The following MAN1A1 variants were observed in gnomAD, a reference collection of about 807,000 sequenced individuals.
MAN1A1 encodes the protein mannosidase alpha class 1A member 1, also known as mannosyl-oligosaccharide 1,2-alpha-mannosidase IA.
A neutral mutation model predicts 70.8 loss-of-function variants in MAN1A1; 29 were observed. The observed-to-expected ratio is 0.41, with a 90% CI of 0.31 to 0.56. MAN1A1 has a LOEUF of 0.56. Among genes scored for constraint, MAN1A1 ranks in the 20% least tolerant of loss-of-function variants. The pLI, the probability that MAN1A1 is intolerant of heterozygous loss-of-function variation, is 0.29. For synonymous variants in MAN1A1, 349 were observed against 330.1 expected (o/e 1.06, Z -0.62); for missense variants, 747 against 841.3 (o/e 0.89, Z 1.39).
At chr6:119,258,361 A>G (rs1014128098) in intron 5 of MAN1A1, among the ~76,000 whole-genome samples, 2 of 152,172 alleles carry the variant, frequency 1.3e-5, no homozygotes, top group African/African-American at 2.4e-5. Flanking sequence ...AAATATTTGG[A>G]AAAAAATGTA....
At chr6:119,182,429 G>C (rs1185088789) in intron 11 of MAN1A1, among the ~76,000 whole-genome samples, 1 of 151,890 alleles carries the variant, frequency 6.6e-6, no homozygotes. Context: ...TCATTGCCAA[G>C]CTCAATGTCA....
chr6:119,192,717 C>A (rs17442112), intron 9 of MAN1A1, among the ~76,000 whole-genome samples: 1 of 151,892 alleles, frequency 6.6e-6, no homozygotes, highest in South Asian at 2.1e-4. Context: ...ACTTGAGAAG[C>A]CTTGATAATA....
rs1385310856 is a variant in MAN1A1, at chr6:119,290,761, A to G, written c.819T>C (p.Asn273=). ...TTACTTCAAAGACAGAAATTTCAGCATTCTATGGAAAAAAAAAATTCAAAC... is the reference window on the plus strand; with the variant it reads ...TTACTTCAAAGACAGAAATTTCAGCGTTCTATGGAAAAAAAAAATTCAAAC... The part of the protein sequence containing the change: ...WVEENLDFNV[N]AEISVFEVNI... The change falls in exon 5 of 13, where the codon AAT becomes AAC. Residue 273 remains asparagine, a splice_region_variant and synonymous_variant. Transcript: ENST00000368468. 6.2e-6 allele frequency: 10 copies of G among 1,604,622 alleles called. No homozygotes were observed. The highest frequency in any genetic ancestry group is 1.7e-5 in the Admixed American group (1 of 59,632).
rs976938337 is a variant in MAN1A1 at position 119,188,448 on chromosome 6, G to A, written c.1676C>T (p.Thr559Ile). 2.5e-6 allele frequency: 4 copies of A among 1,613,310 alleles called. No homozygotes were observed. The South Asian group carries it at 3.3e-5, about 13-fold the overall frequency. Residue 559 changes from threonine (T) to isoleucine (I), a missense_variant, in exon 11 of 13, where the codon ACT (threonine) becomes ATT (isoleucine). Around this residue, in one of 2 missense-constraint regions of MAN1A1, gnomAD observed 419 missense variants for 548.2 expected, o/e 0.76. Coordinates refer to ENST00000368468, the MANE Select transcript of MAN1A1 (RefSeq NM_005907.4). ...CCATTTCCTGTACTTTGGATCATGA[G>A]TCAGTCTCCACATATACATGTAAGT... Reference protein sequence around the residue: ...METYMYMWRLTHDPKYRKWAW... With the variant: ...METYMYMWRLIHDPKYRKWAW...
chr6:119,206,380 G>A lies in MAN1A1; in HGVS notation c.993-1498C>T, dbSNP rs142608261. On this transcript the variant is annotated intron_variant, in intron 6 of 12. Coordinates refer to ENST00000368468, the MANE Select transcript of MAN1A1 (RefSeq NM_005907.4). ...TAAACCCTTTCAGTCCTGTCCTGGCGTCTGCTGCCAGGCTGCTGAGGAAGA... is the reference window on the plus strand; with the variant it reads ...TAAACCCTTTCAGTCCTGTCCTGGCATCTGCTGCCAGGCTGCTGAGGAAGA... Among the ~76,000 whole-genome samples, 68 of 152,208 alleles carry A rather than the reference G, an allele frequency of 4.5e-4. No homozygotes were observed. The East Asian group carries it at 9.5e-3, about 21-fold the overall frequency.
chr6:119,253,527 T>C (rs1775382049), intron 5 of MAN1A1, among the ~76,000 whole-genome samples: 1 of 152,142 alleles, frequency 6.6e-6, no homozygotes, highest in South Asian at 2.1e-4. Context: ...CGCGACAACT[T>C]TTTGCAGGGA....
chr6:119,326,823 A>T (rs1773158573), intron 2 of MAN1A1, among the ~76,000 whole-genome samples: 1 of 152,134 alleles, frequency 6.6e-6, no homozygotes, highest in East Asian at 1.9e-4. Context: ...GATTGTGGGG[A>T]TTATGGGGAT....
chr6:119,320,612 A>G (rs1772979519), intron 2 of MAN1A1, among the ~76,000 whole-genome samples: 1 of 152,022 alleles, frequency 6.6e-6, no homozygotes, highest in Non-Finnish European at 1.5e-5. Context: ...GCTTGGGGGA[A>G]GGCACAAACG....
chr6:119,263,022 C>T (rs1262454362), intron 5 of MAN1A1, among the ~76,000 whole-genome samples: 2 of 152,102 alleles, frequency 1.3e-5, no homozygotes, highest in East Asian at 3.9e-4. Flanking sequence ...GAGAGATGGG[C>T]TTAGCCTCCC....
intron 6 of MAN1A1, among the ~76,000 whole-genome samples, chr6:119,218,904 TA>T (rs1774280471): frequency 6.6e-6 from 1 of 152,184 alleles, no homozygotes; most frequent in South Asian, 2.1e-4. Flanking sequence ...TCTTAAATGT[TA>T]AGTATAGCTC....
chr6:119,188,788 A>G (rs1191350627), intron 10 of MAN1A1, among the ~76,000 whole-genome samples: 1 of 152,192 alleles, frequency 6.6e-6, no homozygotes, highest in African/African-American at 2.4e-5. Context: ...ATCCTCCCAT[A>G]TACTTTAAAT....
intron 6 of MAN1A1, among the ~76,000 whole-genome samples, chr6:119,223,887 T>C (rs949702659): frequency 6.6e-6 from 1 of 152,094 alleles, no homozygotes; most frequent in African/African-American, 2.4e-5. Context: ...TTTAAAGGCA[T>C]TAGAAAGTGA....
At chr6:119,250,398 C>G (rs1335526628) in intron 5 of MAN1A1, among the ~76,000 whole-genome samples, 1 of 152,170 alleles carries the variant, frequency 6.6e-6, no homozygotes, top group Non-Finnish European at 1.5e-5. Context: ...GTACAACTTG[C>G]CTAATTTCTC....
At chr6:119,338,756 G>A (rs1481840750) in intron 2 of MAN1A1, among the ~76,000 whole-genome samples, 1 of 152,210 alleles carries the variant, frequency 6.6e-6, no homozygotes, top group African/African-American at 2.4e-5. Context: ...TGGTAAAGCT[G>A]GCTAGGTCTC....
intron 5 of MAN1A1, among the ~76,000 whole-genome samples, chr6:119,249,338 C>G (rs1348927463): frequency 6.6e-6 from 1 of 152,168 alleles, no homozygotes; most frequent in Non-Finnish European, 1.5e-5. Flanking sequence ...TAATGAAAGT[C>G]TAGTGTGCAG....
chr6:119,226,241 C>G (rs898841067), intron 6 of MAN1A1, among the ~76,000 whole-genome samples: 1 of 152,110 alleles, frequency 6.6e-6, no homozygotes, highest in South Asian at 2.1e-4. Context: ...ACACAAAGCA[C>G]AGGAAAGGAG....
intron 2 of MAN1A1, among the ~76,000 whole-genome samples, chr6:119,333,980 A>C (rs195077): frequency 0.11 from 17,408 of 152,226 alleles, 1,418 homozygotes; most frequent in Admixed American, 0.25. Context: ...AGCTTTAAGC[A>C]AGAAGCAGAT....
intron 5 of MAN1A1, among the ~76,000 whole-genome samples, chr6:119,267,247 G>A (rs1338505905): frequency 6.6e-6 from 1 of 152,118 alleles, no homozygotes; most frequent in East Asian, 1.9e-4. Context: ...TTAAACTAAC[G>A]AACTGAAAAT....
rs535758431 is a variant in MAN1A1, at chr6:119,329,949, C to A, written c.603+18514G>T. Among the ~76,000 whole-genome samples, 3 of 152,272 alleles carry A rather than the reference C, an allele frequency of 2.0e-5. No individual in the cohort carries two copies. In the South Asian group the frequency reaches 6.2e-4, roughly 32 times the overall value. On this transcript the variant is annotated intron_variant, in intron 2 of 12. Transcript: ENST00000368468. ...TGACTCTCAGCAGCATTTGACACTG[C>A]TGAGACTCACTCCTTCAAATACTGA...
Sources: allele counts gnomAD v4.1 joint callset (sites outside exome capture counted in the v4.1 genomes callset), GRCh38; gene constraint gnomAD v4.1.1; regional missense constraint gnomAD v4.1.1; transcripts MANE v1.5; gene names NCBI Gene and HGNC (gene_info 2026-07-23, HGNC 2026-07-21).